Variants in AFAP1 observed in about 807,000 individuals in gnomAD.
AFAP1 encodes actin filament-associated protein 1.
A neutral mutation model predicts 93.9 loss-of-function variants in AFAP1; 75 were observed. The observed-to-expected ratio is 0.80, with a 90% confidence interval of 0.66 to 0.97. The LOEUF (loss-of-function observed/expected upper bound fraction) is 0.97. Among genes scored for constraint, AFAP1 ranks in the 50% least tolerant of loss-of-function variants. AFAP1 has a pLI of 0.00. For missense variants in AFAP1, 1,201 were observed against 1,050.8 expected, an observed-to-expected ratio of 1.14 and a Z score of -1.98; for synonymous variants, 517 against 430.7, an observed-to-expected ratio of 1.20 and a Z score of -2.48.
At chr4:7,824,085 G>A (rs1359203977) in intron 6 of AFAP1, among the ~76,000 whole-genome samples, 1 of 152,214 alleles carries the variant, frequency 6.6e-6, no homozygotes, top group African/African-American at 2.4e-5. Flanking sequence ...CACCTGCAGA[G>A]TTTAGTCAGA....
chr4:7,894,115 TG>T (rs1318949225), intron 1 of AFAP1, among the ~76,000 whole-genome samples: 3 of 152,194 alleles, frequency 2.0e-5, no homozygotes, highest in Admixed American at 1.3e-4. Context: ...TTGGGAACAG[TG>T]GGGGTTAAAT....
chr4:7,834,885 C>G (rs1337881747), intron 6 of AFAP1, among the ~76,000 whole-genome samples: 1 of 151,790 alleles, frequency 6.6e-6, no homozygotes, highest in African/African-American at 2.4e-5. Flanking sequence ...CTTAAGGTTA[C>G]CTGGGTGGCT....
chr4:7,879,789 C>T (rs1005233479), intron 1 of AFAP1, among the ~76,000 whole-genome samples: 2 of 150,360 alleles, frequency 1.3e-5, no homozygotes, highest in East Asian at 2.0e-4. Context: ...CCTCACACTC[C>T]CAAACAGCTG....
chr4:7,887,831 ATTT>A (rs34450871), intron 1 of AFAP1, among the ~76,000 whole-genome samples: 48 of 148,488 alleles, frequency 3.2e-4, no homozygotes, highest in African/African-American at 1.2e-3. Context: ...ATAAAGAACA[ATTT>A]TTTTTTTTTT....
intron 5 of AFAP1, among the ~76,000 whole-genome samples, chr4:7,840,512 C>T (rs190319263): frequency 6.6e-6 from 1 of 152,138 alleles, no homozygotes; most frequent in Non-Finnish European, 1.5e-5. Flanking sequence ...CAGGGTTTCA[C>T]CAGATTGGCC....
chr4:7,769,249 G>A (rs1057033722), intron 16 of AFAP1, among the ~76,000 whole-genome samples: 2 of 152,294 alleles, frequency 1.3e-5, no homozygotes, highest in East Asian at 1.9e-4. Context: ...TCTGACTCCC[G>A]GCTGTGCCTG....
At chr4:7,793,874 ACATTTT>A (rs1245129886) in intron 10 of AFAP1, 48 bp from the exon 11 acceptor site, 1 of 1,453,386 alleles carries the variant, frequency 6.9e-7, no homozygotes. Flanking sequence ...AAAGATTTTT[ACATTTT>A]CATAAATGTG....
chr4:7,800,981 A>C (rs1311552168), intron 9 of AFAP1, among the ~76,000 whole-genome samples: 1 of 152,212 alleles, frequency 6.6e-6, no homozygotes, highest in Non-Finnish European at 1.5e-5. Flanking sequence ...GCAAGCCATC[A>C]GGTTTCGGAT....
chr4:7,805,591 T>C (rs979356192), intron 9 of AFAP1, among the ~76,000 whole-genome samples: 1 of 152,234 alleles, frequency 6.6e-6, no homozygotes, highest in African/African-American at 2.4e-5. Context: ...TCAGTTTTTA[T>C]GAAAACAAAG....
chr4:7,921,145 A>T lies in AFAP1; in HGVS notation c.-3+18511T>A, dbSNP rs560370086. On this transcript the variant is annotated intron_variant, in intron 1 of 17. Transcript: ENST00000420658. ...GTAGATGACCTATCTAATCTCTCTCAGCTTCAGTTTCCTACCCTATAAAAT... is the reference window on the plus strand; with the variant it reads ...GTAGATGACCTATCTAATCTCTCTCTGCTTCAGTTTCCTACCCTATAAAAT... 5.3e-5 allele frequency among the ~76,000 whole-genome samples: 8 copies of T among 149,636 alleles called. No individual in the cohort carries two copies. The East Asian group carries it at 1.6e-3, about 29-fold the overall frequency.
intron 1 of AFAP1, among the ~76,000 whole-genome samples, chr4:7,911,797 T>C (rs2149226732): frequency 6.6e-6 from 1 of 152,338 alleles, no homozygotes; most frequent in Middle Eastern, 3.4e-3. Flanking sequence ...TCTAGAGTCC[T>C]GGGGTTCTCC....
intron 4 of AFAP1, 88 bp downstream of exon 4, chr4:7,855,378 T>C (rs567362782): frequency 4.0e-5 from 41 of 1,023,290 alleles, no homozygotes; most frequent in Admixed American, 4.9e-5. Context: ...TAATACCCTG[T>C]TGCCCTTCCT....
chr4:7,800,748 G>T, intron 9 of AFAP1, 95 bp from the exon 10 acceptor site: 1 of 1,215,236 alleles, frequency 8.2e-7, no homozygotes, highest in Non-Finnish European at 1.2e-6. Context: ...AGGGATGGGA[G>T]TGTGGATAAA....
At chr4:7,921,821 T>G (rs1037589482) in intron 1 of AFAP1, among the ~76,000 whole-genome samples, 1 of 152,202 alleles carries the variant, frequency 6.6e-6, no homozygotes, top group South Asian at 2.1e-4. Flanking sequence ...CCAACATCTG[T>G]GTTTTTAAAA....
chr4:7,841,703 A>G (rs1358169984), intron 5 of AFAP1, among the ~76,000 whole-genome samples: 1 of 152,220 alleles, frequency 6.6e-6, no homozygotes, highest in East Asian at 1.9e-4. Context: ...AAAGCTTCGT[A>G]ATAAAAGTCA....
chr4:7,785,851 T>G (rs1717208138), intron 12 of AFAP1, among the ~76,000 whole-genome samples: 1 of 152,098 alleles, frequency 6.6e-6, no homozygotes, highest in Non-Finnish European at 1.5e-5. Flanking sequence ...GGTGGGAGGA[T>G]CGACTGAGCT....
intron 2 of AFAP1, among the ~76,000 whole-genome samples, chr4:7,870,675 A>G (rs1024924248): frequency 6.6e-6 from 1 of 152,046 alleles, no homozygotes; most frequent in East Asian, 1.9e-4. Context: ...AAAAAAGTTA[A>G]TATTTCATAT....
intron 16 of AFAP1, among the ~76,000 whole-genome samples, chr4:7,770,393 G>A (rs1041103166): frequency 2.6e-5 from 4 of 152,140 alleles, no homozygotes; most frequent in Non-Finnish European, 5.9e-5. Context: ...TGGGAATGCC[G>A]GGGGTCACCA....
chr4:7,806,699 TCC>T (rs1374397098), intron 9 of AFAP1, among the ~76,000 whole-genome samples: 3 of 152,128 alleles, frequency 2.0e-5, no homozygotes, highest in African/African-American at 4.8e-5. Flanking sequence ...CCCTCCCCTC[TCC>T]CCTTTCCCCT....
Sources: gnomAD v4.1 joint callset for allele counts (sites outside exome capture counted in the v4.1 genomes callset) on GRCh38, gnomAD v4.1.1 for gene constraint, MANE v1.5 for transcripts, NCBI Gene and HGNC (gene_info 2026-07-23, HGNC 2026-07-21) for gene names.